Variants in MYH15 observed in about 807,000 individuals in gnomAD.
MYH15 encodes the protein myosin heavy chain 15.
In MYH15, 227 loss-of-function variants were observed where a neutral mutation model predicts 240.5. That is an observed-to-expected ratio of 0.94 (90% CI 0.85 to 1.05). The LOEUF is 1.05. MYH15 is among the 50% of genes least tolerant of loss of function. The pLI is 0.00. For missense variants in MYH15, 2,217 were observed against 2,247.5 expected (o/e 0.99, Z 0.27); for synonymous variants, 785 against 796.7 (o/e 0.99, Z 0.25).
Position 108,437,674 on chromosome 3 carries a change from C to T in MYH15, c.3101G>A (p.Arg1034Lys), listed in dbSNP as rs749554821. The T allele has an allele frequency of 1.2e-6, 2 of 1,613,650 alleles. No homozygotes were observed. Among genetic ancestry groups the T allele is most frequent in the African/African-American group, 1.3e-5 (1 of 75,022 alleles). The change falls in exon 25 of 41, where the codon AGA becomes AAA. Residue 1034 changes from arginine (R) to lysine (K), a missense_variant. Transcript: ENST00000693548. ...DELEGALEQE[R>K]KARMNCEREL... Reference sequence around the variant, plus strand: ...CCTTTCACAGTTCATTCTCGCTTTTCTCTCCTGCTCAAGGGCACCCTCAAG... The same window carrying T: ...CCTTTCACAGTTCATTCTCGCTTTTTTCTCCTGCTCAAGGGCACCCTCAAG...
chr3:108,464,665 A>C lies in MYH15; in HGVS notation c.1704T>G (p.His568Gln). The C allele has an allele frequency of 1.2e-6, 2 of 1,613,342 alleles. No individual in the cohort carries two copies. The highest frequency in any genetic ancestry group is 1.7e-6 in the Non-Finnish European group (2 of 1,179,654). ...PKPDKKKFEA[H>Q]FELVHYAGVV... Reference sequence around the variant, plus strand: ...CTCCTGCATAATGGACAAGTTCAAAATGAGCTTCAAATTTCTTCTTATCAG... The same window carrying C: ...CTCCTGCATAATGGACAAGTTCAAACTGAGCTTCAAATTTCTTCTTATCAG... The change falls in exon 15 of 41, where the codon CAT becomes CAG. Residue 568 changes from histidine to glutamine, a missense_variant. By Grantham distance (24) the His-to-Gln change is conservative (BLOSUM62 0). Coordinates refer to ENST00000693548, the MANE Select transcript of MYH15 (RefSeq NM_014981.3).
At chr3:108,466,438 C>T (rs973851833) in intron 14 of MYH15, among the ~76,000 whole-genome samples, 1 of 152,150 alleles carries the variant, frequency 6.6e-6, no homozygotes, top group Admixed American at 6.6e-5. Flanking sequence ...GAGTCTTATA[C>T]ACAGTAGTGT....
chr3:108,501,170 C>T (rs2107237785), intron 3 of MYH15, among the ~76,000 whole-genome samples: 1 of 152,248 alleles, frequency 6.6e-6, no homozygotes, highest in South Asian at 2.1e-4. Flanking sequence ...GCTCCTATGG[C>T]CATGGGTCCC....
Position 108,501,730 on chromosome 3 carries a change from A to G in MYH15, c.321T>C (p.Tyr107=). ...ASVLHTLKRR[Y]GQWMIYTYSG... ...TACACACATAGATCATCCACTGGCC[A>G]TAGCGCCGCTTCAGGGTATGCAGCA... Residue 107 remains tyrosine, a synonymous_variant, in exon 3 of 41, where the codon TAT becomes TAC. Transcript: ENST00000693548. The G allele has an allele frequency of 6.2e-7, 1 of 1,614,120 alleles. No individual in the cohort carries two copies. Among genetic ancestry groups the G allele is most frequent in the Non-Finnish European group, 8.5e-7 (1 of 1,179,972 alleles).
intron 6 of MYH15, among the ~76,000 whole-genome samples, chr3:108,496,989 G>C (rs1182558934): frequency 1.3e-5 from 2 of 150,954 alleles, no homozygotes; most frequent in Non-Finnish European, 3.0e-5. Context: ...GCGAAACCCC[G>C]TCTCTACTAA....
intron 23 of MYH15, 147 bp downstream of exon 23, chr3:108,440,870 AT>A: frequency 1.1e-6 from 1 of 909,268 alleles, no homozygotes; most frequent in Non-Finnish European, 1.7e-6. Context: ...CAGACTCTAT[AT>A]TTTGTGCCAG....
chr3:108,525,626 G>A (rs899845568), intron 1 of MYH15, among the ~76,000 whole-genome samples: 5 of 151,982 alleles, frequency 3.3e-5, no homozygotes, highest in African/African-American at 7.3e-5. Context: ...GTTTTTTAAC[G>A]AGTGGCTGTA....
chr3:108,488,112 A>G (rs553343535), intron 9 of MYH15, among the ~76,000 whole-genome samples: 1 of 151,912 alleles, frequency 6.6e-6, no homozygotes, highest in African/African-American at 2.4e-5. Flanking sequence ...TCTGTTAGCC[A>G]TTTCAAGTAT....
chr3:108,414,473 C>G (rs559144215), intron 29 of MYH15, 45 bp from the exon 30 acceptor site: 1 of 1,521,430 alleles, frequency 6.6e-7, no homozygotes, highest in Non-Finnish European at 8.9e-7. Context: ...CCACCATGAG[C>G]AACACAAGTC....
At chr3:108,545,457 T>G in the MYH15 span, among the ~76,000 whole-genome samples, 1 of 152,118 alleles carries the variant, frequency 6.6e-6, no homozygotes, top group Non-Finnish European at 1.5e-5. Flanking sequence ...GCCATGAGCT[T>G]TATTTGTATT....
chr3:108,511,837 C>G (rs939442780), upstream of MYH15, among the ~76,000 whole-genome samples: 3 of 152,184 alleles, frequency 2.0e-5, no homozygotes, highest in African/African-American at 7.2e-5. Context: ...TTAATCTGCT[C>G]TCTTCTTTGT....
chr3:108,476,113 A>C (rs2083218054), intron 12 of MYH15, among the ~76,000 whole-genome samples: 1 of 152,208 alleles, frequency 6.6e-6, no homozygotes, highest in Admixed American at 6.6e-5. Flanking sequence ...TCGCTGGATG[A>C]CAAAGATGTT....
chr3:108,386,145 C>T (rs1481329748), intron 38 of MYH15, among the ~76,000 whole-genome samples: 1 of 152,118 alleles, frequency 6.6e-6, no homozygotes, highest in Non-Finnish European at 1.5e-5. Context: ...ATAAAATCAA[C>T]ACAGGTTTAA....
Position 108,437,705 on chromosome 3 carries a change from A to G in MYH15, c.3076-6T>C, listed in dbSNP as rs762303912. The stretch of plus-strand genomic sequence containing the variant: ...TGCTCAAGGGCACCCTCAAGCTGAC[A>G]AAAGGAAACATTATTTAGCTAAATA... On this transcript the variant is annotated splice_polypyrimidine_tract_variant and splice_region_variant and intron_variant, in intron 24 of 40. Coordinates refer to ENST00000693548, the MANE Select transcript of MYH15 (RefSeq NM_014981.3). 8.1e-6 allele frequency: 13 copies of G among 1,608,628 alleles called. No homozygotes were observed. The highest frequency in any genetic ancestry group is 1.0e-5 in the Non-Finnish European group (12 of 1,178,494).
the MYH15 span, among the ~76,000 whole-genome samples, chr3:108,547,704 ACTG>A: frequency 6.6e-6 from 1 of 152,188 alleles, no homozygotes; most frequent in Non-Finnish European, 1.5e-5. Flanking sequence ...TGTCATATAG[ACTG>A]CTATTTTCAG....
At chr3:108,393,489 C>T (rs949383796) in intron 36 of MYH15, among the ~76,000 whole-genome samples, 46 of 152,236 alleles carry the variant, frequency 3.0e-4, no homozygotes, top group Admixed American at 2.4e-3. Context: ...TGGCAGCCAA[C>T]TCTGAGCTCA....
intron 12 of MYH15, among the ~76,000 whole-genome samples, chr3:108,472,857 G>C (rs536111485): frequency 6.6e-6 from 1 of 152,206 alleles, no homozygotes; most frequent in East Asian, 1.9e-4. Flanking sequence ...GAAATGAGGT[G>C]GCTAAATCTA....
intron 30 of MYH15, among the ~76,000 whole-genome samples, chr3:108,412,661 T>C (rs1269173636): frequency 6.6e-6 from 1 of 152,220 alleles, no homozygotes; most frequent in Non-Finnish European, 1.5e-5. Flanking sequence ...ACCTACTTAG[T>C]TATCTCGAAT....
chr3:108,399,399 A>G, intron 33 of MYH15, 132 bp from the exon 34 acceptor site: 1 of 762,166 alleles, frequency 1.3e-6, no homozygotes, highest in South Asian at 2.1e-5. Flanking sequence ...AACTAACAAA[A>G]TGAGTCTAAG....
Sources: gnomAD v4.1 joint callset for allele counts (sites outside exome capture counted in the v4.1 genomes callset) on GRCh38, gnomAD v4.1.1 for gene constraint, MANE v1.5 for transcripts, NCBI Gene and HGNC (gene_info 2026-07-23, HGNC 2026-07-21) for gene names.